APPL2: variants seen among roughly 807,000 people sequenced by gnomAD.
The protein encoded by APPL2 is DCC-interacting protein 13-beta.
In APPL2, 84 loss-of-function variants were observed where a neutral mutation model predicts 92.7. The ratio of observed to expected loss-of-function variants is 0.91; its 90% CI spans 0.76 to 1.09. The LOEUF is 1.09. Among genes scored for constraint, APPL2 ranks in the 50% least tolerant of loss-of-function variants. APPL2 has a pLI of 0.00. For synonymous variants in APPL2, 291 were observed against 291.0 expected (o/e 1.00, Z 0.00); for missense variants, 736 against 824.5 (o/e 0.89, Z 1.31).
chr12:105,236,006 C>T lies in APPL2; in HGVS notation c.7G>A (p.Ala3Thr), dbSNP rs1431127201. The T allele has an allele frequency of 6.4e-6, 8 of 1,249,916 alleles. No individual in the cohort carries two copies. Among genetic ancestry groups the T allele is most frequent in the Non-Finnish European group, 8.1e-6 (8 of 989,708 alleles). 77.4% of individuals were successfully genotyped at this position (1,249,916 alleles called of 1,614,324 possible). Residue 3 changes from alanine to threonine, a missense_variant, in exon 1 of 21, where the codon GCC becomes ACC. Transcript: ENST00000258530. ...TCCTCTAGCAGGAGCTTGTCCACGG[C>T]GGGCATGGTGCGGCGCGGCTCAGCC... is the stretch of plus-strand genomic sequence containing the variant. Reference protein sequence around the residue: MPAVDKLLLEEAL... With the variant: MPTVDKLLLEEAL...
intron 9 of APPL2, among the ~76,000 whole-genome samples, chr12:105,199,990 G>GTTT (rs988663027): frequency 7.0e-6 from 1 of 143,416 alleles, no homozygotes; most frequent in Non-Finnish European, 1.5e-5. Context: ...GGCTAATTTT[G>GTTT]TTTTTTTTTT....
At chr12:105,219,394 C>A (rs993726840) in intron 2 of APPL2, among the ~76,000 whole-genome samples, 34 of 152,318 alleles carry the variant, frequency 2.2e-4, no homozygotes, top group African/African-American at 8.2e-4. Context: ...GCTCTGACAT[C>A]CTACTGGTAT....
intron 17 of APPL2, among the ~76,000 whole-genome samples, chr12:105,186,636 CATATATATG>C (rs1886665166): frequency 1.1e-5 from 1 of 88,650 alleles, no homozygotes; most frequent in African/African-American, 3.5e-5. Flanking sequence ...TCATATATAT[CATATATATG>C]ATATCGATAT....
chr12:105,203,912 G>A (rs1029437003), intron 8 of APPL2, 127 bp from the exon 9 acceptor site: 28 of 733,794 alleles, frequency 3.8e-5, no homozygotes, highest in Non-Finnish European at 5.9e-5. Flanking sequence ...CGCGGCACTG[G>A]CAGCATCTCT....
At chr12:105,221,771 C>T (rs1890118158) in intron 2 of APPL2, among the ~76,000 whole-genome samples, 2 of 152,220 alleles carry the variant, frequency 1.3e-5, no homozygotes, top group Admixed American at 6.5e-5. Context: ...ACAGCATCTC[C>T]CATGCTCAAC....
intron 4 of APPL2, among the ~76,000 whole-genome samples, chr12:105,214,107 A>C (rs1013939561): frequency 6.6e-6 from 1 of 152,078 alleles, no homozygotes; most frequent in Non-Finnish European, 1.5e-5. Flanking sequence ...AGTTGCTTAA[A>C]CCCGGGAGGC....
chr12:105,188,679 T>A (rs576426011), intron 16 of APPL2, among the ~76,000 whole-genome samples: 20 of 152,232 alleles, frequency 1.3e-4, no homozygotes, highest in Non-Finnish European at 2.2e-4. Flanking sequence ...CTTTTCTTCA[T>A]CTATAAAATG....
At chr12:105,206,831 C>T (rs1029135121) in intron 8 of APPL2, 1 of 464,266 alleles carries the variant, frequency 2.2e-6, no homozygotes, top group Non-Finnish European at 3.7e-6. Context: ...AGGCTTGGGA[C>T]CCAGGCCTCA....
At chr12:105,194,663 C>G (rs1228242069) in intron 14 of APPL2, among the ~76,000 whole-genome samples, 1 of 151,614 alleles carries the variant, frequency 6.6e-6, no homozygotes, top group Non-Finnish European at 1.5e-5. Context: ...TGCACTCCAG[C>G]CCAGGTGACA....
intron 14 of APPL2, among the ~76,000 whole-genome samples, chr12:105,194,124 G>A (rs1887445209): frequency 6.6e-6 from 1 of 152,156 alleles, no homozygotes; most frequent in South Asian, 2.1e-4. Flanking sequence ...TGTAAAAAAT[G>A]TAATGGGGTT....
At chr12:105,181,361 CT>C (rs747756599) in intron 17 of APPL2, among the ~76,000 whole-genome samples, 2 of 152,166 alleles carry the variant, frequency 1.3e-5, no homozygotes, top group Non-Finnish European at 2.9e-5. Flanking sequence ...ATTCAGTTTG[CT>C]GGTATTTTAT....
At chr12:105,176,151 T>C (rs1401933888) in intron 19 of APPL2, 69 bp from the exon 20 acceptor site, 1 of 1,411,192 alleles carries the variant, frequency 7.1e-7, no homozygotes, top group African/African-American at 1.4e-5. Context: ...CAAATGTGAT[T>C]TGGGAGTACA....
At chr12:105,192,137 C>A (rs1887258587) in intron 14 of APPL2, among the ~76,000 whole-genome samples, 1 of 152,192 alleles carries the variant, frequency 6.6e-6, no homozygotes, top group Non-Finnish European at 1.5e-5. Context: ...TCAGCTCCAA[C>A]TGAAGTCATC....
chr12:105,217,819 T>C (rs956978676), intron 2 of APPL2, 94 bp from the exon 3 acceptor site: 29 of 1,214,632 alleles, frequency 2.4e-5, no homozygotes, highest in Non-Finnish European at 3.1e-5. Context: ...AAAAGTAATA[T>C]TGGCTGGGTC....
intron 14 of APPL2, among the ~76,000 whole-genome samples, chr12:105,191,326 G>A (rs889408339): frequency 1.4e-4 from 21 of 152,138 alleles, no homozygotes; most frequent in African/African-American, 5.1e-4. Flanking sequence ...ATAAACAGGG[G>A]TCTCCTCACT....
At chr12:105,198,516 G>A (rs963690987) in intron 10 of APPL2, among the ~76,000 whole-genome samples, 1 of 152,140 alleles carries the variant, frequency 6.6e-6, no homozygotes, top group Non-Finnish European at 1.5e-5. Context: ...GCTTGTGATC[G>A]CTGCAAGTTC....
intron 8 of APPL2, 149 bp from the exon 9 acceptor site, chr12:105,203,934 A>C: frequency 1.6e-6 from 1 of 635,602 alleles, no homozygotes; most frequent in Non-Finnish European, 2.7e-6. Flanking sequence ...CTGAGTCTAC[A>C]CCTGAGCACT....
intron 9 of APPL2, 26 bp downstream of exon 9, chr12:105,203,677 A>G (rs1206702093): frequency 3.1e-6 from 5 of 1,610,864 alleles, no homozygotes; most frequent in African/African-American, 1.3e-5. Flanking sequence ...AGGGGCACAC[A>G]AGACCCGGCC....
Position 105,207,203 on chromosome 12 carries a change from T to G in APPL2, c.479A>C (p.Lys160Thr), listed in dbSNP as rs935041027. ...LPKKKENEKV[K>T]TEVGKEVAAA... ...GGCCACCTCTTTTCCGACTTCGGTC[T>G]TCACCTGGTTAAAAGGTGAAAGGAA... Residue 160 changes from lysine to threonine, a missense_variant, in exon 8 of 21, where the codon AAG becomes ACG. Transcript: ENST00000258530. 1 of 1,612,426 alleles carries G rather than the reference T, an allele frequency of 6.2e-7. No individual in the cohort carries two copies. The highest frequency in any genetic ancestry group is 1.7e-5 in the Admixed American group (1 of 59,564).
Sources: gnomAD v4.1 joint callset for allele counts (sites outside exome capture counted in the v4.1 genomes callset) on GRCh38, gnomAD v4.1.1 for gene constraint, MANE v1.5 for transcripts, NCBI Gene and HGNC (gene_info 2026-07-23, HGNC 2026-07-21) for gene names.